CELF5: variants seen among roughly 807,000 people sequenced by gnomAD.
The protein encoded by CELF5 is CUGBP Elav-like family member 5.
A neutral mutation model predicts 54.9 loss-of-function variants in CELF5; 6 were observed. The observed-to-expected ratio is 0.11, with a 90% CI of 0.06 to 0.22. The LOEUF is 0.22. Ranked by LOEUF, CELF5 falls within the 10% of genes least tolerant of loss-of-function variation. CELF5 has a pLI of 1.00. For missense variants in CELF5, 401 were observed against 678.6 expected, an observed-to-expected ratio of 0.59 and a Z score of 4.54; for synonymous variants, 271 against 290.9, an observed-to-expected ratio of 0.93 and a Z score of 0.70.
rs377581051 is a variant in CELF5 at position 3,286,053 on chromosome 19, G to T, written c.1186+28G>T. ...GAGGCGGCCGCAACCTCCCCTGGGCGCCAGCCCCGCCCTCTGCCCGCCCTG... is the reference window on the plus strand; with the variant it reads ...GAGGCGGCCGCAACCTCCCCTGGGCTCCAGCCCCGCCCTCTGCCCGCCCTG... On this transcript the variant is annotated intron_variant, in intron 10 of 12. Transcript: ENST00000292672. 8,001 of 1,512,358 alleles carry T rather than the reference G, an allele frequency of 5.3e-3. 39 individuals carry two copies. The highest frequency in any genetic ancestry group is 6.7e-3 in the South Asian group (540 of 80,144). 93.7% of individuals were successfully genotyped at this position (1,512,358 alleles called of 1,614,324 possible). A position where few individuals can be genotyped will look rare whatever the true frequency, so the allele number is the denominator to read the frequency against.
intron 1 of CELF5, among the ~76,000 whole-genome samples, chr19:3,238,520 G>T (rs2079448312): frequency 6.6e-6 from 1 of 152,294 alleles, no homozygotes; most frequent in East Asian, 1.9e-4. Flanking sequence ...TCTCCAAGGG[G>T]AGGGTCCTTC....
intron 2 of CELF5, among the ~76,000 whole-genome samples, chr19:3,254,955 T>C (rs983628136): frequency 2.0e-5 from 3 of 151,804 alleles, no homozygotes; most frequent in Admixed American, 6.6e-5. Flanking sequence ...TATTAATTCA[T>C]GTATACATCC....
chr19:3,241,297 A>G (rs2079487653), intron 1 of CELF5, among the ~76,000 whole-genome samples: 1 of 149,996 alleles, frequency 6.7e-6, no homozygotes, highest in Admixed American at 6.7e-5. Flanking sequence ...TGGCCAGCAT[A>G]GTCTCTATCT....
Position 3,256,692 on chromosome 19 carries a change from C to G in CELF5, c.342+5625C>G, listed in dbSNP as rs747617666. On this transcript the variant is annotated intron_variant, in intron 2 of 12. Coordinates refer to ENST00000292672, the MANE Select transcript of CELF5 (RefSeq NM_021938.4). ...CAAGCGATTCTCCTGCCTCAGCCTC[C>G]CGAGTAGCTGGATTACAGGCATGTG... Among the ~76,000 whole-genome samples the G allele has an allele frequency of 2.7e-3, 407 of 151,064 alleles. 5 individuals are homozygous for G. The highest frequency in any genetic ancestry group is 5.7e-3 in the South Asian group (27 of 4,764).
intron 10 of CELF5, chr19:3,286,766 G>A: frequency 6.7e-6 from 1 of 148,170 alleles, no homozygotes; most frequent in Non-Finnish European, 1.5e-5. Flanking sequence ...CGGGCACGGT[G>A]GCTCACGCCT....
intron 2 of CELF5, among the ~76,000 whole-genome samples, chr19:3,252,711 T>C (rs749795743): frequency 6.6e-6 from 1 of 152,056 alleles, no homozygotes; most frequent in Non-Finnish European, 1.5e-5. Context: ...CTGCTTGGTC[T>C]TGAAGAATAG....
At chr19:3,267,079 G>A (rs1173729315) in intron 2 of CELF5, among the ~76,000 whole-genome samples, 1 of 142,872 alleles carries the variant, frequency 7.0e-6, no homozygotes, top group Non-Finnish European at 1.5e-5. Context: ...GTGTGCGTGT[G>A]CGTGTGTGCA....
intron 1 of CELF5, chr19:3,225,606 C>T: frequency 1.0e-6 from 1 of 983,546 alleles, no homozygotes; most frequent in South Asian, 4.7e-5. Flanking sequence ...TGCCCAGGAC[C>T]CCAGGCTAAT....
rs1450858749 is a variant in CELF5 at position 3,228,679 on chromosome 19, G to C, written c.259+3681G>C. Among the ~76,000 whole-genome samples the C allele has an allele frequency of 2.6e-5, 4 of 151,082 alleles. No individual in the cohort carries two copies. The East Asian group carries it at 5.9e-4, about 22-fold the overall frequency. ...GGTTTCCATGGGAGCACCAGCTGCC[G>C]GCTCGACTCGGGAGGGGGGGAGGAG... On this transcript the variant is annotated intron_variant, in intron 1 of 12. Coordinates refer to ENST00000292672, the MANE Select transcript of CELF5 (RefSeq NM_021938.4). The surrounding 1 kb of genome is among the most constrained non-coding windows in gnomAD (Gnocchi z 6.0).
chr19:3,228,124 A>G lies in CELF5; in HGVS notation c.259+3126A>G, dbSNP rs1917029642. The stretch of plus-strand genomic sequence containing the variant: ...TTGTTTTTAAGAGAGAGAGAGAGAG[A>G]GAGATGAGGACACAGAGAGAGAGAG... On this transcript the variant is annotated intron_variant, in intron 1 of 12. Coordinates refer to ENST00000292672, the MANE Select transcript of CELF5 (RefSeq NM_021938.4). This position sits in a 1 kb window ranked among gnomAD's most constrained non-coding sequence, Gnocchi z 6.0. Among the ~76,000 whole-genome samples, 1 of 151,800 alleles carries G rather than the reference A, an allele frequency of 6.6e-6. No homozygotes were observed. The highest frequency in any genetic ancestry group is 1.5e-5 in the Non-Finnish European group (1 of 67,930).
chr19:3,236,519 G>T (rs1233956292), intron 1 of CELF5, among the ~76,000 whole-genome samples: 4 of 152,150 alleles, frequency 2.6e-5, no homozygotes, highest in Non-Finnish European at 2.9e-5. Context: ...CCATGCAGGG[G>T]GTTCGGGATC....
At chr19:3,288,788 C>T (rs2080294884) in intron 10 of CELF5, among the ~76,000 whole-genome samples, 1 of 152,030 alleles carries the variant, frequency 6.6e-6, no homozygotes, top group Admixed American at 6.6e-5. Flanking sequence ...TTAGAGGCTG[C>T]AGTGAGCTAT....
intron 2 of CELF5, among the ~76,000 whole-genome samples, chr19:3,254,767 C>T (rs2079698432): frequency 6.6e-6 from 1 of 151,584 alleles, no homozygotes; most frequent in Non-Finnish European, 1.5e-5. Flanking sequence ...CTCATCTATC[C>T]ATCCATCTGT....
In CELF5 at chr19:3,228,827, G is replaced by A. The variant is rs1466766789; in HGVS notation, c.259+3829G>A. ...GGGAGCAGTTGGCACCCCTGGTGGT[G>A]GCGGGGACAGCGGCAGGGGGCTGGG... is the stretch of plus-strand genomic sequence containing the variant. On this transcript the variant is annotated intron_variant, in intron 1 of 12. Transcript: ENST00000292672. The surrounding 1 kb of genome is among the most constrained non-coding windows in gnomAD (Gnocchi z 6.0). Among the ~76,000 whole-genome samples the A allele has an allele frequency of 6.6e-6, 1 of 152,040 alleles. No individual in the cohort carries two copies. Among genetic ancestry groups the A allele is most frequent in the Non-Finnish European group, 1.5e-5 (1 of 67,958 alleles).
Position 3,224,703 on chromosome 19 carries a change from C to A in CELF5, c.-37C>A, listed in dbSNP as rs1057133015. The A allele has an allele frequency of 2.1e-4, 203 of 969,212 alleles. 1 individual carries two copies. The highest frequency in any genetic ancestry group is 2.4e-4 in the Non-Finnish European group (192 of 811,108). 60.0% of individuals were successfully genotyped at this position (969,212 alleles called of 1,614,324 possible). On this transcript the variant is annotated 5_prime_UTR_variant, in exon 1 of 13. Coordinates refer to ENST00000292672, the MANE Select transcript of CELF5 (RefSeq NM_021938.4). ...CTCCAGCTGCGAGTCCGCCCGCCGC[C>A]CGCCGCCGCCGCCGCCGGCTCGGTC... is the stretch of plus-strand genomic sequence containing the variant.
intron 1 of CELF5, among the ~76,000 whole-genome samples, chr19:3,235,072 C>T (rs1027683175): frequency 6.6e-6 from 1 of 152,174 alleles, no homozygotes; most frequent in Non-Finnish European, 1.5e-5. Flanking sequence ...CCTCTCTCCT[C>T]CTCGCTCCCT....
chr19:3,242,602 C>G (rs1439390199), intron 1 of CELF5, among the ~76,000 whole-genome samples: 2 of 152,042 alleles, frequency 1.3e-5, no homozygotes, highest in African/African-American at 4.8e-5. Flanking sequence ...GTCGGGAGTT[C>G]AAGATCAGCC....
chr19:3,235,593 GATGA>G (rs1237081445), intron 1 of CELF5, among the ~76,000 whole-genome samples: 5 of 84,734 alleles, frequency 5.9e-5, no homozygotes, highest in African/African-American at 9.0e-5. Context: ...TGGGTGGATG[GATGA>G]ATGAATGGAT....
At position 3,285,986 on chromosome 19, in the gene CELF5, C is replaced by T. The variant is rs1478714147; in HGVS notation, c.1147C>T (p.Pro383Ser). The change falls in exon 10 of 13, where the codon CCC (proline) becomes TCC (serine). Residue 383 changes from proline to serine, a missense_variant. By Grantham distance (74) the Pro-to-Ser change is moderately conservative (BLOSUM62 -1). This residue lies in a region of CELF5 where 143 missense variants were observed against 147.6 expected (regional missense o/e 0.97). Coordinates refer to ENST00000292672, the MANE Select transcript of CELF5 (RefSeq NM_021938.4). ...CATCACGCCCATCGCGCACAGCGTC[C>T]CCCAGCCGCCGCCCCTCCTGCAGCA... The part of the protein sequence containing the change: ...AAITPIAHSV[P>S]QPPPLLQQQQ... The T allele has an allele frequency of 6.3e-7, 1 of 1,586,036 alleles. No homozygotes were observed.
Sources: allele counts gnomAD v4.1 joint callset (sites outside exome capture counted in the v4.1 genomes callset), GRCh38; gene constraint gnomAD v4.1.1; regional missense constraint gnomAD v4.1.1; non-coding constraint Gnocchi (gnomAD v3.1); transcripts MANE v1.5; gene names NCBI Gene and HGNC (gene_info 2026-07-23, HGNC 2026-07-21).